Variants in UNC5D observed in about 807,000 individuals in gnomAD.
UNC5D encodes unc-5 netrin receptor D.
In UNC5D, 39 loss-of-function variants were observed where a neutral mutation model predicts 105.4. The ratio of observed to expected loss-of-function variants is 0.37; its 90% CI spans 0.29 to 0.48. The LOEUF (loss-of-function observed/expected upper bound fraction) is 0.48. UNC5D is among the 20% of genes least tolerant of loss of function. The pLI, the probability that UNC5D is intolerant of heterozygous loss-of-function variation, is 0.98. For missense variants in UNC5D, 991 were observed against 1,202.4 expected (o/e 0.82, Z 2.60); for synonymous variants, 452 against 450.4 (o/e 1.00, Z -0.04).
intron 1 of UNC5D, among the ~76,000 whole-genome samples, chr8:35,470,879 G>T (rs1475942289): frequency 2.0e-5 from 3 of 152,158 alleles, no homozygotes; most frequent in Admixed American, 1.3e-4. Flanking sequence ...AGCATTGGGT[G>T]AGAACACCAC....
chr8:35,633,734 C>T (rs1022201176), intron 4 of UNC5D, among the ~76,000 whole-genome samples: 4 of 152,050 alleles, frequency 2.6e-5, no homozygotes, highest in Non-Finnish European at 5.9e-5. Flanking sequence ...CAGCTTAGAT[C>T]GCAGATACAG....
At chr8:35,282,932 T>A (rs1257466453) in intron 1 of UNC5D, among the ~76,000 whole-genome samples, 1 of 152,186 alleles carries the variant, frequency 6.6e-6, no homozygotes, top group Non-Finnish European at 1.5e-5. Flanking sequence ...TTTTTTACTG[T>A]ATGGAAGCAT....
chr8:35,750,922 C>A, intron 13 of UNC5D, 113 bp downstream of exon 13: 1 of 1,249,196 alleles, frequency 8.0e-7, no homozygotes, highest in Non-Finnish European at 1.1e-6. Flanking sequence ...GAACCCACGC[C>A]ACTGTAACTG....
intron 1 of UNC5D, among the ~76,000 whole-genome samples, chr8:35,347,896 A>G (rs1811919161): frequency 6.6e-6 from 1 of 152,100 alleles, no homozygotes; most frequent in Non-Finnish European, 1.5e-5. Context: ...CAAAACACGA[A>G]TGAAGATCTA....
At chr8:35,602,856 G>C (rs199622518) in intron 4 of UNC5D, among the ~76,000 whole-genome samples, 1 of 54,084 alleles carries the variant, frequency 1.8e-5, no homozygotes, top group Non-Finnish European at 4.4e-5. Context: ...ATATCTCCCA[G>C]TGCTATCCCT....
At chr8:35,732,450 T>C (rs1308700308) in intron 11 of UNC5D, among the ~76,000 whole-genome samples, 1 of 152,040 alleles carries the variant, frequency 6.6e-6, no homozygotes, top group Non-Finnish European at 1.5e-5. Context: ...ACTTGGCAAC[T>C]GGGGGGAAAA....
intron 1 of UNC5D, among the ~76,000 whole-genome samples, chr8:35,341,129 G>A (rs181246526): frequency 3.9e-5 from 6 of 151,960 alleles, no homozygotes; most frequent in Admixed American, 3.9e-4. Flanking sequence ...ATTCAATTTT[G>A]GTGAGATATA....
chr8:35,717,694 G>A (rs549332178), intron 8 of UNC5D, among the ~76,000 whole-genome samples: 42 of 152,248 alleles, frequency 2.8e-4, no homozygotes, highest in African/African-American at 1.0e-3. Flanking sequence ...AAAAGGTCAT[G>A]GTAATATCTA....
At position 35,265,298 on chromosome 8, in the gene UNC5D, C is replaced by A. The variant is rs1804783519; in HGVS notation, c.103+29411C>A. 2.6e-5 allele frequency among the ~76,000 whole-genome samples: 4 copies of A among 151,522 alleles called. No individual in the cohort carries two copies. In the South Asian group the frequency reaches 8.4e-4, roughly 32 times the overall value. ...TGTTATGCTAGGTCTTTTTTTTTCC[C>A]CATAAAGATTCTTCATCTTTAGAGT... On this transcript the variant is annotated intron_variant, in intron 1 of 16. Transcript: ENST00000404895.
chr8:35,599,649 A>G (rs916329957), intron 4 of UNC5D, among the ~76,000 whole-genome samples: 7 of 152,180 alleles, frequency 4.6e-5, no homozygotes, highest in Non-Finnish European at 7.4e-5. Context: ...GCATTAGACA[A>G]CATTTTGGCT....
chr8:35,662,210 C>T (rs931657216), intron 4 of UNC5D, among the ~76,000 whole-genome samples: 4 of 146,438 alleles, frequency 2.7e-5, no homozygotes, highest in Non-Finnish European at 5.9e-5. Context: ...AAAAACTGTG[C>T]GTAGTGGTTT....
chr8:35,774,568 T>G, intron 16 of UNC5D, 91 bp downstream of exon 16: 1 of 1,466,810 alleles, frequency 6.8e-7, no homozygotes, highest in East Asian at 2.4e-5. Flanking sequence ...TTCTGAGCCC[T>G]AATATTTTTA....
intron 1 of UNC5D, among the ~76,000 whole-genome samples, chr8:35,242,609 C>T (rs1206376982): frequency 6.6e-5 from 10 of 152,128 alleles, no homozygotes; most frequent in African/African-American, 4.8e-5. Context: ...TCCCGAGTAG[C>T]TGGGATTACA....
In UNC5D at chr8:35,759,364, A is replaced by G; in HGVS notation, c.2208A>G (p.Glu736=). 6.2e-7 allele frequency: 1 copy of G among 1,614,118 alleles called. No individual in the cohort carries two copies. Among genetic ancestry groups the G allele is most frequent in the Non-Finnish European group, 8.5e-7 (1 of 1,179,980 alleles). Residue 736 remains glutamate, a synonymous_variant, in exon 14 of 17, where the codon GAA becomes GAG. Transcript: ENST00000404895. ...GGCATCAAGGTGGACAGCTCCTGGAAGAACCAAAATTGCTGCATTTCAAAG... is the reference window on the plus strand; with the variant it reads ...GGCATCAAGGTGGACAGCTCCTGGAGGAACCAAAATTGCTGCATTTCAAAG... The part of the protein sequence containing the change: ...DERHQGGQLL[E]EPKLLHFKGN...
At chr8:35,614,640 A>G (rs1370858742) in intron 4 of UNC5D, among the ~76,000 whole-genome samples, 1 of 152,142 alleles carries the variant, frequency 6.6e-6, no homozygotes, top group Non-Finnish European at 1.5e-5. Context: ...AAACATTTCC[A>G]TAAAAAAATT....
intron 1 of UNC5D, among the ~76,000 whole-genome samples, chr8:35,392,315 G>C (rs1803826287): frequency 6.6e-6 from 1 of 152,136 alleles, no homozygotes; most frequent in Non-Finnish European, 1.5e-5. Flanking sequence ...CTAGGCAACT[G>C]ACCCTCCCAC....
intron 1 of UNC5D, among the ~76,000 whole-genome samples, chr8:35,405,246 G>A (rs1399687927): frequency 6.6e-6 from 1 of 152,158 alleles, no homozygotes. Flanking sequence ...TCAAGGTTGG[G>A]TGTATGGGGA....
rs887369538 is a variant in UNC5D, at chr8:35,235,840, C to A, written c.56C>A (p.Pro19Gln). 3.3e-5 allele frequency: 41 copies of A among 1,230,450 alleles called. No homozygotes were observed. The highest frequency in any genetic ancestry group is 4.1e-5 in the Non-Finnish European group (40 of 986,830). The allele number at this position is 1,230,450 out of a possible 1,614,324, so 76.2% of individuals were successfully genotyped here. Residue 19 changes from proline to glutamine, a missense_variant, in exon 1 of 17, where the codon CCG becomes CAG. Coordinates refer to ENST00000404895, the MANE Select transcript of UNC5D (RefSeq NM_080872.4). Reference sequence around the variant, plus strand: ...GGCGGAGGGGCGCGCCGCTGGCTCCCGTGGCTGGGGCTGTGCTTCTGGGCG... The same window carrying A: ...GGCGGAGGGGCGCGCCGCTGGCTCCAGTGGCTGGGGCTGTGCTTCTGGGCG... ...GGGGGARRWL[P>Q]WLGLCFWAAG...
chr8:35,328,815 G>A (rs557957085), intron 1 of UNC5D, among the ~76,000 whole-genome samples: 24 of 152,244 alleles, frequency 1.6e-4, no homozygotes, highest in Admixed American at 7.9e-4. Context: ...CCACATATTA[G>A]CGTTGAGATG....
Sources: gnomAD v4.1 joint callset for allele counts (sites outside exome capture counted in the v4.1 genomes callset) on GRCh38, gnomAD v4.1.1 for gene constraint, MANE v1.5 for transcripts, NCBI Gene and HGNC (gene_info 2026-07-23, HGNC 2026-07-21) for gene names.